DEFB110: variants seen among roughly 807,000 people sequenced by gnomAD.
DEFB110 encodes the protein defensin beta 110.
Under a neutral mutation model 2.5 loss-of-function variants are expected in DEFB110, and 4 were observed. That is an observed-to-expected ratio of 1.60 (90% confidence interval 0.79 to 3.66). The LOEUF is 3.66. DEFB110 is among the 30% of genes most tolerant of loss of function. The probability of loss-of-function intolerance (pLI) is 0.01; values close to 1 mark genes in which losing one functional copy is unlikely to be tolerated. For missense variants in DEFB110, 94 were observed against 75.4 expected (o/e 1.25, Z -0.91); for synonymous variants, 29 against 21.8 (o/e 1.33, Z -0.92).
At chr6:50,018,774 G>A (rs943695350), downstream of DEFB110, 32 of 1,246,676 alleles carry the variant, frequency 2.6e-5, no homozygotes, top group Non-Finnish European at 2.4e-5. Context: ...TGCTACTTCT[G>A]GTACCAACAA....
downstream of DEFB110, among the ~76,000 whole-genome samples, chr6:50,016,706 C>T (rs1582366929): frequency 6.6e-6 from 1 of 151,448 alleles, no homozygotes; most frequent in East Asian, 1.9e-4. Flanking sequence ...GCAGAAAACA[C>T]TTAAAAGATT....
chr6:50,018,902 T>C lies in DEFB110; in HGVS notation c.*75A>G, dbSNP rs1774364844. 6.6e-7 allele frequency: 1 copy of C among 1,518,892 alleles called. No individual in the cohort carries two copies. Among genetic ancestry groups the C allele is most frequent in the African/African-American group, 1.4e-5 (1 of 72,036 alleles). 94.1% of individuals were successfully genotyped at this position (1,518,892 alleles called of 1,614,324 possible). ...GTGTATTATAGAGACACACACGCCTTGAAGGATGTGCTGGGAAAACTTAAT... is the reference window on the plus strand; with the variant it reads ...GTGTATTATAGAGACACACACGCCTCGAAGGATGTGCTGGGAAAACTTAAT... On this transcript the variant is annotated 3_prime_UTR_variant, in exon 2 of 2. Coordinates refer to ENST00000371148, the MANE Select transcript of DEFB110 (RefSeq NM_001037497.2).
intron 1 of DEFB110, among the ~76,000 whole-genome samples, chr6:50,011,185 A>G (rs1242592362): frequency 3.3e-5 from 5 of 151,210 alleles, no homozygotes; most frequent in Admixed American, 2.0e-4. Context: ...ATAGATAAAT[A>G]TTGATATATA....
intron 1 of DEFB110, chr6:50,009,373 G>T: frequency 8.0e-7 from 1 of 1,244,572 alleles, no homozygotes; most frequent in Non-Finnish European, 1.1e-6. Flanking sequence ...GATCATGTGT[G>T]TGCAAGTTGG....
intron 1 of DEFB110, among the ~76,000 whole-genome samples, chr6:50,011,837 A>T (rs116226498): frequency 6.6e-6 from 1 of 152,018 alleles, no homozygotes; most frequent in East Asian, 1.9e-4. Flanking sequence ...CTCTTGCTGG[A>T]TAGAAGTTGA....
In DEFB110 at chr6:50,009,335, A is replaced by G. The variant is rs970304500; in HGVS notation, c.56-64T>C. On this transcript the variant is annotated intron_variant, in intron 1 of 1. Transcript: ENST00000393660. The stretch of plus-strand genomic sequence containing the variant: ...ATTGATTTGTGGGTTTTCTTGCTAA[A>G]GAAAGACAAAAACTGTTCCAGTTAT... The G allele has an allele frequency of 2.5e-5, 38 of 1,503,500 alleles. No individual in the cohort carries two copies. The Admixed American group carries it at 9.1e-4, about 36-fold the overall frequency. 93.1% of individuals were successfully genotyped at this position (1,503,500 alleles called of 1,614,324 possible).
downstream of DEFB110, among the ~76,000 whole-genome samples, chr6:50,017,804 CAG>C (rs369553549): frequency 5.5e-4 from 84 of 151,906 alleles, 3 homozygotes; most frequent in South Asian, 0.017. Context: ...AATGGATCCA[CAG>C]AGAGGCCATA....
Position 50,021,925 on chromosome 6 carries a change from T to C in DEFB110, c.11A>G (p.Gln4Arg). 1.9e-6 allele frequency: 3 copies of C among 1,561,748 alleles called. No individual in the cohort carries two copies. The highest frequency in any genetic ancestry group is 2.6e-6 in the Non-Finnish European group (3 of 1,162,160). Residue 4 changes from glutamine (Q) to arginine (R), a missense_variant, in exon 1 of 2, where the codon CAA becomes CGA. Gln to Arg is a conservative substitution (Grantham distance 43). Coordinates refer to ENST00000371148, the MANE Select transcript of DEFB110 (RefSeq NM_001037497.2). Reference sequence around the variant, plus strand: ...AAAGTGCAGAATAAAGAAAAAAAGTTGAATCTTCATGGTAGAGAGTTTCTT... The same window carrying C: ...AAAGTGCAGAATAAAGAAAAAAAGTCGAATCTTCATGGTAGAGAGTTTCTT... MKI[Q>R]LFFFILHFWV...
intron 1 of DEFB110, among the ~76,000 whole-genome samples, chr6:50,019,974 G>T (rs576103854): frequency 6.6e-6 from 1 of 152,098 alleles, no homozygotes; most frequent in East Asian, 1.9e-4. Context: ...TGAGATCATA[G>T]GGTTCATAAA....
At chr6:50,018,497 A>G (rs1323444515), downstream of DEFB110, among the ~76,000 whole-genome samples, 1 of 151,900 alleles carries the variant, frequency 6.6e-6, no homozygotes, top group African/African-American at 2.4e-5. Context: ...TGTCTCTCTC[A>G]CAATAAAGAT....
chr6:50,020,746 T>A (rs1430975384), intron 1 of DEFB110, among the ~76,000 whole-genome samples: 1 of 152,184 alleles, frequency 6.6e-6, no homozygotes, highest in African/African-American at 2.4e-5. Context: ...CCAAAGCAAT[T>A]CAGAGTATGA....
At chr6:50,019,157 C>T (rs2113942334) in intron 1 of DEFB110, 32 bp from the exon 2 acceptor site, 1 of 1,603,882 alleles carries the variant, frequency 6.2e-7, no homozygotes, top group Non-Finnish European at 8.5e-7. Context: ...TAAAATTAGC[C>T]ATCTAGCTAT....
intron 1 of DEFB110, among the ~76,000 whole-genome samples, chr6:50,010,159 A>G (rs1468351651): frequency 6.6e-6 from 1 of 152,030 alleles, no homozygotes; most frequent in Non-Finnish European, 1.5e-5. Context: ...CATAATTGTC[A>G]GAAATATATT....
downstream of DEFB110, among the ~76,000 whole-genome samples, chr6:50,017,879 C>G (rs1259184401): frequency 6.6e-6 from 1 of 151,774 alleles, no homozygotes; most frequent in Non-Finnish European, 1.5e-5. Flanking sequence ...CCTTTTGAGT[C>G]TAAGTCTGAC....
intron 1 of DEFB110, among the ~76,000 whole-genome samples, chr6:50,009,719 A>G (rs189782468): frequency 2.0e-5 from 3 of 152,310 alleles, no homozygotes; most frequent in Admixed American, 6.5e-5. Context: ...TAGAGAAACT[A>G]GAGAAGACTT....
chr6:50,020,867 A>T (rs1243689698), intron 1 of DEFB110, among the ~76,000 whole-genome samples: 2 of 152,220 alleles, frequency 1.3e-5, no homozygotes, highest in African/African-American at 4.8e-5. Context: ...AGTTATTATT[A>T]TCAAACCCAT....
exon 2 of DEFB110, chr6:50,009,194 C>T: frequency 6.2e-7 from 1 of 1,610,768 alleles, no homozygotes; most frequent in Non-Finnish European, 8.5e-7. Context: ...TACTCAACAT[C>T]ATCACAAAAC....
chr6:50,017,053 A>C (rs650691), downstream of DEFB110, among the ~76,000 whole-genome samples: 12,979 of 151,706 alleles, frequency 0.086, 1,485 homozygotes, highest in African/African-American at 0.26. Flanking sequence ...CTCAATTCTG[A>C]TTTAGATGTC....
chr6:50,012,449 ACT>A (rs1774243648), intron 1 of DEFB110, among the ~76,000 whole-genome samples: 1 of 151,630 alleles, frequency 6.6e-6, no homozygotes, highest in African/African-American at 2.4e-5. Context: ...ATAATAAAAA[ACT>A]CTATGTTTTA....
Sources: gnomAD v4.1 joint callset for allele counts (sites outside exome capture counted in the v4.1 genomes callset) on GRCh38, gnomAD v4.1.1 for gene constraint, MANE v1.5 for transcripts, NCBI Gene and HGNC (gene_info 2026-07-23, HGNC 2026-07-21) for gene names.